PLCH1: variants seen among roughly 807,000 people sequenced by gnomAD.
The protein encoded by PLCH1 is phospholipase C eta 1.
A neutral mutation model predicts 126.7 loss-of-function variants in PLCH1; 60 were observed. That is an observed-to-expected ratio of 0.47 (90% confidence interval 0.38 to 0.59). PLCH1 has a LOEUF of 0.59. Among genes scored for constraint, PLCH1 ranks in the 20% least tolerant of loss-of-function variants. The pLI is 0.00. For missense variants in PLCH1, 1,723 were observed against 2,040.0 expected (o/e 0.84, Z 2.99); for synonymous variants, 719 against 734.9 (o/e 0.98, Z 0.35).
chr3:155,483,121 T>A (rs1042107283), intron 22 of PLCH1, 70 bp from the exon 23 acceptor site: 14 of 1,339,506 alleles, frequency 1.0e-5, no homozygotes, highest in Non-Finnish European at 1.4e-5. Context: ...ACTCATGTTG[T>A]CTTCGGACAG....
chr3:155,602,230 TATG>T (rs1278309766), intron 2 of PLCH1, among the ~76,000 whole-genome samples: 4 of 152,190 alleles, frequency 2.6e-5, no homozygotes, highest in African/African-American at 9.7e-5. Flanking sequence ...GTAAATATAG[TATG>T]ATATCTTTTG....
At position 155,682,422 on chromosome 3, in the gene PLCH1, C is replaced by A. The variant is rs78563094; in HGVS notation, c.79+21724G>T. Among the ~76,000 whole-genome samples the A allele has an allele frequency of 9.9e-3, 1,508 of 152,212 alleles. 35 individuals are homozygous for A. Among genetic ancestry groups the A allele is most frequent in the African/African-American group, 0.034 (1,398 of 41,506 alleles). ...TGGAATGCTACTCTGAGTTCATATA[C>A]AAAGGAAAAGGCACTTCACAAACAA... On this transcript the variant is annotated intron_variant, in intron 2 of 22. Transcript: ENST00000460012.
chr3:155,739,720 C>T (rs533357651), intron 1 of PLCH1, among the ~76,000 whole-genome samples: 2 of 152,276 alleles, frequency 1.3e-5, no homozygotes, highest in African/African-American at 2.4e-5. Context: ...GGCAGACAGA[C>T]GTGGGTTCAA....
chr3:155,587,997 C>A (rs1731606821), intron 4 of PLCH1, among the ~76,000 whole-genome samples: 1 of 152,040 alleles, frequency 6.6e-6, no homozygotes, highest in Non-Finnish European at 1.5e-5. Flanking sequence ...GTTTTAAAAA[C>A]CAAGAAATGG....
At chr3:155,582,137 A>AG (rs1292858580) in intron 6 of PLCH1, among the ~76,000 whole-genome samples, 1 of 120,904 alleles carries the variant, frequency 8.3e-6, no homozygotes, top group Non-Finnish European at 1.6e-5. Context: ...GCTGGAGTGC[A>AG]GGGGCTCAAT....
chr3:155,489,308 G>GT (rs966714851), intron 19 of PLCH1, among the ~76,000 whole-genome samples: 1 of 151,886 alleles, frequency 6.6e-6, no homozygotes, highest in South Asian at 2.1e-4. Flanking sequence ...AATTCTCTAA[G>GT]TTTTTTTTAG....
intron 2 of PLCH1, among the ~76,000 whole-genome samples, chr3:155,669,183 C>T (rs534728699): frequency 6.7e-6 from 1 of 149,872 alleles, no homozygotes; most frequent in African/African-American, 2.4e-5. Flanking sequence ...CATTTGTGGT[C>T]AAAAACAGTA....
intron 2 of PLCH1, among the ~76,000 whole-genome samples, chr3:155,665,411 A>G (rs544694118): frequency 6.6e-6 from 1 of 152,372 alleles, no homozygotes; most frequent in Non-Finnish European, 1.5e-5. Flanking sequence ...AGAAGAGATC[A>G]TATTTCAGAA....
chr3:155,564,768 T>G, intron 8 of PLCH1, 147 bp downstream of exon 8: 1 of 578,536 alleles, frequency 1.7e-6, no homozygotes, highest in Non-Finnish European at 3.1e-6. Flanking sequence ...GAATTATGAG[T>G]TAAGATTGAC....
intron 4 of PLCH1, among the ~76,000 whole-genome samples, chr3:155,593,022 C>CTCTGTATAA (rs1209417335): frequency 6.6e-6 from 1 of 152,110 alleles, no homozygotes; most frequent in Non-Finnish European, 1.5e-5. Context: ...TCCAGCAATA[C>CTCTGTATAA]TCTGGGTGAA....
At chr3:155,467,371 C>T (rs750252044) in intron 21 of PLCH1, among the ~76,000 whole-genome samples, 2 of 151,986 alleles carry the variant, frequency 1.3e-5, no homozygotes, top group Non-Finnish European at 2.9e-5. Context: ...CTCAAGAGTT[C>T]GAGACCAGCC....
intron 12 of PLCH1, among the ~76,000 whole-genome samples, chr3:155,514,020 TAGAC>T (rs1201961410): frequency 2.0e-5 from 3 of 152,148 alleles, no homozygotes; most frequent in African/African-American, 7.2e-5. Context: ...GCAACCATCA[TAGAC>T]AGGAGAACCA....
chr3:155,579,430 AC>A, intron 6 of PLCH1, among the ~76,000 whole-genome samples: 1 of 152,290 alleles, frequency 6.6e-6, no homozygotes, highest in East Asian at 1.9e-4. Flanking sequence ...TACTATCAAA[AC>A]CATTTTATAA....
At chr3:155,703,134 T>TATA (rs1366113024) in intron 2 of PLCH1, among the ~76,000 whole-genome samples, 5 of 152,238 alleles carry the variant, frequency 3.3e-5, no homozygotes, top group Admixed American at 3.3e-4. Context: ...AGTGAGGTTG[T>TATA]ATAATGAACG....
Position 155,481,419 on chromosome 3 carries a change from T to C in PLCH1, c.4607A>G (p.Glu1536Gly). ...KSLEPIDALTEQLRKLVSFDQ... is the reference protein window; with the variant it reads ...KSLEPIDALTGQLRKLVSFDQ... ...AAAGGACACAAGCTTCCGAAGCTGC[T>C]CGGTCAGGGCATCTATAGGCTCTAA... The change falls in exon 23 of 23, where the codon GAG becomes GGG. Residue 1536 changes from glutamate (E) to glycine (G), a missense_variant. Physicochemically the swap from Glu to Gly is moderately conservative, Grantham distance 98. Coordinates refer to ENST00000460012, the MANE Select transcript of PLCH1 (RefSeq NM_014996.4). This position sits in a 1 kb window ranked among gnomAD's most constrained non-coding sequence, Gnocchi z 4.2. The C allele has an allele frequency of 6.2e-7, 1 of 1,614,212 alleles. No individual in the cohort carries two copies. Among genetic ancestry groups the C allele is most frequent in the Non-Finnish European group, 8.5e-7 (1 of 1,180,044 alleles).
At chr3:155,666,553 A>G (rs1274218430) in intron 2 of PLCH1, among the ~76,000 whole-genome samples, 1 of 152,186 alleles carries the variant, frequency 6.6e-6, no homozygotes, top group East Asian at 1.9e-4. Context: ...TTAGTGTGAA[A>G]GAAGTTAACA....
At chr3:155,463,967 T>C (rs895888212) in intron 21 of PLCH1, among the ~76,000 whole-genome samples, 7 of 152,164 alleles carry the variant, frequency 4.6e-5, no homozygotes, top group Non-Finnish European at 1.0e-4. Flanking sequence ...TGCACATGGG[T>C]ACCAGGCTTT....
At position 155,481,429 on chromosome 3, in the gene PLCH1, C is replaced by A. The variant is rs762898312; in HGVS notation, c.4597G>T (p.Ala1533Ser). The A allele has an allele frequency of 2.5e-6, 4 of 1,614,076 alleles. No homozygotes were observed. Among genetic ancestry groups the A allele is most frequent in the Admixed American group, 1.7e-5 (1 of 60,016 alleles). The change falls in exon 23 of 23, where the codon GCC becomes TCC. Residue 1533 changes from alanine (A) to serine (S), a missense_variant. By Grantham distance (99) the Ala-to-Ser change is moderately conservative. Transcript: ENST00000460012. This position sits in a 1 kb window ranked among gnomAD's most constrained non-coding sequence, Gnocchi z 4.2. ...AGCTTCCGAAGCTGCTCGGTCAGGG[C>A]ATCTATAGGCTCTAACGACTTTGTC... ...VKTKSLEPIDALTEQLRKLVS... is the reference protein window; with the variant it reads ...VKTKSLEPIDSLTEQLRKLVS...
At chr3:155,579,488 A>C (rs1291305256) in intron 6 of PLCH1, among the ~76,000 whole-genome samples, 1 of 152,242 alleles carries the variant, frequency 6.6e-6, no homozygotes, top group East Asian at 1.9e-4. Context: ...GTTGCAAGGT[A>C]AGCAAGGTTG....
Sources: allele counts gnomAD v4.1 joint callset (sites outside exome capture counted in the v4.1 genomes callset), GRCh38; gene constraint gnomAD v4.1.1; non-coding constraint Gnocchi (gnomAD v3.1); transcripts MANE v1.5; gene names NCBI Gene and HGNC (gene_info 2026-07-23, HGNC 2026-07-21).